Variants in CAPN2 observed in about 807,000 individuals in gnomAD.
The protein encoded by CAPN2 is calpain 2.
Under a neutral mutation model 102.3 loss-of-function variants are expected in CAPN2, and 92 were observed. The observed-to-expected ratio is 0.90, with a 90% CI of 0.76 to 1.07. The LOEUF (loss-of-function observed/expected upper bound fraction) is 1.07. Among genes scored for constraint, CAPN2 ranks in the 50% least tolerant of loss-of-function variants. CAPN2 has a pLI of 0.00. For missense variants in CAPN2, 800 were observed against 909.4 expected (o/e 0.88, Z 1.55); for synonymous variants, 340 against 355.4 (o/e 0.96, Z 0.49).
intron 8 of CAPN2, 143 bp from the exon 9 acceptor site, chr1:223,752,653 T>G (rs1290078191): frequency 1.0e-5 from 7 of 694,326 alleles, no homozygotes; most frequent in Non-Finnish European, 1.7e-5. Flanking sequence ...GGCCTTCTGA[T>G]TCTGAACCTG....
chr1:223,705,682 C>A (rs1271129121), intron 1 of CAPN2, among the ~76,000 whole-genome samples: 2 of 152,214 alleles, frequency 1.3e-5, no homozygotes, highest in African/African-American at 4.8e-5. Flanking sequence ...GAGGTGATCA[C>A]TTCCCATGGA....
intron 2 of CAPN2, among the ~76,000 whole-genome samples, chr1:223,720,982 G>A (rs934817539): frequency 6.6e-6 from 1 of 152,220 alleles, no homozygotes; most frequent in Middle Eastern, 3.4e-3. Flanking sequence ...GTTCCCCCAG[G>A]GAACTTGGGC....
chr1:223,753,492 G>GC (rs1370333700), intron 9 of CAPN2, among the ~76,000 whole-genome samples: 2 of 152,254 alleles, frequency 1.3e-5, no homozygotes, highest in African/African-American at 4.8e-5. Flanking sequence ...CCTTTGTTGA[G>GC]CCCCTTGATT....
intron 2 of CAPN2, among the ~76,000 whole-genome samples, chr1:223,740,256 G>A (rs1466987676): frequency 6.6e-6 from 1 of 152,154 alleles, no homozygotes; most frequent in African/African-American, 2.4e-5. Context: ...TGAAATGCTT[G>A]TTCCCTGGTG....
chr1:223,720,947 C>T (rs766140943), intron 2 of CAPN2, among the ~76,000 whole-genome samples: 1 of 152,158 alleles, frequency 6.6e-6, no homozygotes, highest in Non-Finnish European at 1.5e-5. Context: ...TCTCTACCTG[C>T]GCTTTCTACC....
In CAPN2 at chr1:223,756,799, C is replaced by T. The variant is rs1006846683; in HGVS notation, c.1306-570C>T. ...ATCTGGGACAGAATCGATCCAAGGA[C>T]AATGCAAATGGAATTGTGATACACA... On this transcript the variant is annotated intron_variant, in intron 10 of 20. Transcript: ENST00000295006. This position sits in a 1 kb window ranked among gnomAD's most constrained non-coding sequence, Gnocchi z 4.1. 2.0e-5 allele frequency among the ~76,000 whole-genome samples: 3 copies of T among 152,212 alleles called. No individual in the cohort carries two copies. Among genetic ancestry groups the T allele is most frequent in the African/African-American group, 7.2e-5 (3 of 41,452 alleles).
upstream of CAPN2, among the ~76,000 whole-genome samples, chr1:223,710,293 A>C (rs193255701): frequency 5.4e-3 from 816 of 151,822 alleles, 33 homozygotes; most frequent in Admixed American, 0.048. Context: ...AGAAAAACAA[A>C]AACAACAACA....
rs1659757626 is a variant in CAPN2, at chr1:223,712,558, C to T, written c.-83C>T. The T allele has an allele frequency of 2.3e-6, 3 of 1,320,080 alleles. No individual in the cohort carries two copies. The highest frequency in any genetic ancestry group is 2.9e-4 in the Middle Eastern group (1 of 3,452). 81.8% of individuals were successfully genotyped at this position (1,320,080 alleles called of 1,614,324 possible). ...GCCCGCAGTGGCCGCAGCAGCGCGC[C>T]GGGCCCTGGCCGCGCCCCAGCCGAG... is the stretch of plus-strand genomic sequence containing the variant. On this transcript the variant is annotated 5_prime_UTR_variant, in exon 1 of 21. Coordinates refer to ENST00000295006, the MANE Select transcript of CAPN2 (RefSeq NM_001748.5).
intron 2 of CAPN2, among the ~76,000 whole-genome samples, chr1:223,721,957 A>G (rs545958106): frequency 1.3e-5 from 2 of 152,240 alleles, no homozygotes; most frequent in Non-Finnish European, 2.9e-5. Context: ...GATTCCAGTT[A>G]TGTGAAAAGT....
intron 1 of CAPN2, among the ~76,000 whole-genome samples, chr1:223,714,257 A>G (rs1327167983): frequency 6.6e-6 from 1 of 152,188 alleles, no homozygotes; most frequent in East Asian, 1.9e-4. Context: ...TATATTATTT[A>G]CCAGTATATC....
chr1:223,745,172 G>T, intron 3 of CAPN2, 134 bp from the exon 4 acceptor site: 1 of 1,157,062 alleles, frequency 8.6e-7, no homozygotes, highest in South Asian at 1.5e-5. Flanking sequence ...AGAGTTAAGG[G>T]AGCACCTCCT....
At chr1:223,773,959 A>G (rs910396384) in intron 20 of CAPN2, among the ~76,000 whole-genome samples, 2 of 152,188 alleles carry the variant, frequency 1.3e-5, no homozygotes, top group African/African-American at 4.8e-5. Context: ...ACCTGAGCCC[A>G]GAAGTCAAGG....
intron 16 of CAPN2, among the ~76,000 whole-genome samples, chr1:223,768,021 A>G (rs1303094164): frequency 1.3e-5 from 2 of 150,260 alleles, no homozygotes; most frequent in South Asian, 2.1e-4. Context: ...TCCTTTGCCC[A>G]CTTTTTGATG....
chr1:223,755,783 C>G lies in CAPN2; in HGVS notation c.1305+134C>G. On this transcript the variant is annotated intron_variant, in intron 10 of 20. Transcript: ENST00000295006. This position sits in a 1 kb window ranked among gnomAD's most constrained non-coding sequence, Gnocchi z 4.1. ...GCTTGGCCAAGGAAAAACAAAACTA[C>G]CAGCCTGGCCAGGCTCAGGAGTAGC... 1.1e-6 allele frequency: 1 copy of G among 875,056 alleles called. No homozygotes were observed. The highest frequency in any genetic ancestry group is 2.8e-5 in the East Asian group (1 of 35,856). 54.2% of individuals were successfully genotyped at this position (875,056 alleles called of 1,614,324 possible). A position where few individuals can be genotyped will look rare whatever the true frequency, so the allele number is the denominator to read the frequency against.
intron 2 of CAPN2, among the ~76,000 whole-genome samples, chr1:223,734,493 C>G (rs577405594): frequency 6.6e-6 from 1 of 152,204 alleles, no homozygotes; most frequent in South Asian, 2.1e-4. Context: ...ATTCGGACAC[C>G]CCTTGCTTCC....
Position 223,775,886 on chromosome 1 carries a change from G to A in CAPN2, c.*1029G>A, listed in dbSNP as rs755549185. 7.2e-5 allele frequency: 11 copies of A among 152,744 alleles called. No homozygotes were observed. Among genetic ancestry groups the A allele is most frequent in the Non-Finnish European group, 1.6e-4 (11 of 68,042 alleles). 9.5% of individuals were successfully genotyped at this position (152,744 alleles called of 1,614,324 possible). A position where few individuals can be genotyped will look rare whatever the true frequency, so the allele number is the denominator to read the frequency against. ...TTCCTGGAGGGCAGCCCCACAGGAC[G>A]GTTTATGAGCACACAATTATAGCTT... On this transcript the variant is annotated 3_prime_UTR_variant, in exon 21 of 21. Coordinates refer to ENST00000295006, the MANE Select transcript of CAPN2 (RefSeq NM_001748.5).
At chr1:223,739,220 G>C (rs1011564509) in intron 2 of CAPN2, among the ~76,000 whole-genome samples, 7 of 134,786 alleles carry the variant, frequency 5.2e-5, no homozygotes, top group Non-Finnish European at 1.1e-4. Context: ...GTCTCACTCT[G>C]TGCCCCAGGC....
At chr1:223,729,993 A>T (rs1434683726) in intron 2 of CAPN2, among the ~76,000 whole-genome samples, 1 of 130,556 alleles carries the variant, frequency 7.7e-6, no homozygotes, top group Non-Finnish European at 1.6e-5. Flanking sequence ...CAAGAGCAAG[A>T]CTCGCTCCCA....
chr1:223,747,572 G>A (rs1205625560), intron 5 of CAPN2, among the ~76,000 whole-genome samples: 1 of 152,200 alleles, frequency 6.6e-6, no homozygotes, highest in Non-Finnish European at 1.5e-5. Context: ...TGTTGGGCCT[G>A]CAGAGCAGAC....
Sources: allele counts gnomAD v4.1 joint callset (sites outside exome capture counted in the v4.1 genomes callset), GRCh38; gene constraint gnomAD v4.1.1; non-coding constraint Gnocchi (gnomAD v3.1); transcripts MANE v1.5; gene names NCBI Gene and HGNC (gene_info 2026-07-23, HGNC 2026-07-21).